The following PRKD1 variants were observed in gnomAD, a reference collection of about 807,000 sequenced individuals.
The protein encoded by PRKD1 is protein kinase D1, also known as serine/threonine-protein kinase D1.
PRKD1 carries 63 observed loss-of-function variants against 95.9 expected under a neutral mutation model. The observed-to-expected ratio is 0.66, with a 90% CI of 0.54 to 0.81. PRKD1 has a LOEUF of 0.81. Ranked by LOEUF, PRKD1 falls within the 30% of genes least tolerant of loss-of-function variation. The pLI, the probability that PRKD1 is intolerant of heterozygous loss-of-function variation, is 0.00. For missense variants in PRKD1, 1,048 were observed against 1,165.3 expected, an observed-to-expected ratio of 0.90 and a Z score of 1.47; for synonymous variants, 425 against 423.1, an observed-to-expected ratio of 1.00 and a Z score of -0.05.
At chr14:29,800,748 T>G (rs193134641) in intron 1 of PRKD1, among the ~76,000 whole-genome samples, 416 of 152,302 alleles carry the variant, frequency 2.7e-3, no homozygotes, top group Admixed American at 8.4e-3. Flanking sequence ...TTATAAATCT[T>G]TCCCTGGACA....
chr14:29,777,901 A>G (rs1027426994), intron 1 of PRKD1, among the ~76,000 whole-genome samples: 2 of 152,082 alleles, frequency 1.3e-5, no homozygotes, highest in Non-Finnish European at 2.9e-5. Context: ...GAAGTAAAGC[A>G]CTCCTCAGCA....
intron 1 of PRKD1, among the ~76,000 whole-genome samples, chr14:29,827,365 A>G (rs1412995706): frequency 6.6e-6 from 1 of 152,148 alleles, no homozygotes; most frequent in African/African-American, 2.4e-5. Context: ...CAACAGCAAC[A>G]GCATGTGGGA....
At chr14:29,798,850 A>C (rs1460119225) in intron 1 of PRKD1, among the ~76,000 whole-genome samples, 2 of 152,172 alleles carry the variant, frequency 1.3e-5, no homozygotes, top group Non-Finnish European at 2.9e-5. Flanking sequence ...ATAATCTTCC[A>C]CATCACTGAT....
At chr14:29,663,617 CCT>C in intron 4 of PRKD1, 80 bp downstream of exon 4, 1 of 1,489,920 alleles carries the variant, frequency 6.7e-7, no homozygotes, top group Non-Finnish European at 9.3e-7. Context: ...CTCCTAGCGC[CCT>C]GTCTTGGATT....
intron 1 of PRKD1, among the ~76,000 whole-genome samples, chr14:29,755,626 C>T (rs1426910052): frequency 6.6e-6 from 1 of 152,254 alleles, no homozygotes; most frequent in East Asian, 1.9e-4. Flanking sequence ...TAAAACTTTG[C>T]TCCTAACTCC....
At chr14:29,781,354 A>T (rs904361798) in intron 1 of PRKD1, among the ~76,000 whole-genome samples, 3 of 152,340 alleles carry the variant, frequency 2.0e-5, no homozygotes, top group African/African-American at 7.2e-5. Context: ...GCTATAAACA[A>T]CGTCTCAAAT....
rs1425231482 is a variant in PRKD1 at position 29,927,391 on chromosome 14, G to A, written c.122C>T (p.Pro41Leu). The A allele has an allele frequency of 1.1e-5, 17 of 1,550,144 alleles. No individual in the cohort carries two copies. Among genetic ancestry groups the A allele is most frequent in the South Asian group, 2.4e-5 (2 of 84,466 alleles). Residue 41 changes from proline to leucine, a missense_variant, in exon 1 of 18, where the codon CCT becomes CTT. Coordinates refer to ENST00000331968, the MANE Select transcript of PRKD1 (RefSeq NM_002742.3). Reference sequence around the variant, plus strand: ...GATGCCCCCGACCGGGGCCGCGACAGGAGCCAAGAACGGCGCGGGCCCGGG... The same window carrying A: ...GATGCCCCCGACCGGGGCCGCGACAAGAGCCAAGAACGGCGCGGGCCCGGG... ...SGPGPAPFLA[P>L]VAAPVGGISF...
intron 4 of PRKD1, among the ~76,000 whole-genome samples, chr14:29,658,756 A>G (rs191164268): frequency 5.3e-5 from 8 of 152,348 alleles, no homozygotes; most frequent in African/African-American, 1.9e-4. Flanking sequence ...AATGTTTATT[A>G]TGCAAATGAA....
At chr14:29,730,112 C>T (rs959957711) in intron 1 of PRKD1, among the ~76,000 whole-genome samples, 2 of 151,868 alleles carry the variant, frequency 1.3e-5, no homozygotes, top group African/African-American at 4.8e-5. Flanking sequence ...TGTGGAACAA[C>T]TCAATAGCAA....
rs45547633 is a variant in PRKD1 at position 29,739,473 on chromosome 14, T to C, written c.265-13799A>G. ...TGTACCTTAACTTTATCCCATCTAT[T>C]TGAATTACAGCAAAAATAAAATAAA... On this transcript the variant is annotated intron_variant, in intron 1 of 17. Coordinates refer to ENST00000331968, the MANE Select transcript of PRKD1 (RefSeq NM_002742.3). 5.2e-3 allele frequency among the ~76,000 whole-genome samples: 794 copies of C among 152,178 alleles called. 19 individuals carry two copies. In the East Asian group the frequency reaches 0.077, roughly 15 times the overall value.
intron 2 of PRKD1, among the ~76,000 whole-genome samples, chr14:29,670,244 C>A: frequency 6.6e-6 from 1 of 152,134 alleles, no homozygotes; most frequent in Non-Finnish European, 1.5e-5. Context: ...GACTAAGGAA[C>A]GGTATCTGTA....
At chr14:29,835,640 G>A (rs568120329) in intron 1 of PRKD1, among the ~76,000 whole-genome samples, 1 of 152,168 alleles carries the variant, frequency 6.6e-6, no homozygotes, top group East Asian at 1.9e-4. Context: ...GCGCGATCTT[G>A]GCTCACCACA....
At chr14:29,882,859 C>CTGTG (rs10538155) in intron 1 of PRKD1, among the ~76,000 whole-genome samples, 7 of 150,928 alleles carry the variant, frequency 4.6e-5, no homozygotes, top group Non-Finnish European at 8.9e-5. Flanking sequence ...CAATATTCCA[C>CTGTG]TGTGTGTGTG....
intron 13 of PRKD1, among the ~76,000 whole-genome samples, chr14:29,608,236 T>C (rs1299499098): frequency 5.9e-5 from 9 of 152,134 alleles, no homozygotes; most frequent in Admixed American, 1.3e-4. Context: ...GGGCTTCATA[T>C]TTTATTGGAA....
chr14:29,819,180 T>G (rs1890808109), intron 1 of PRKD1, among the ~76,000 whole-genome samples: 1 of 152,174 alleles, frequency 6.6e-6, no homozygotes, highest in African/African-American at 2.4e-5. Context: ...TTGGCTCAAT[T>G]GATAAAACTG....
chr14:29,866,416 T>C (rs904871228), intron 1 of PRKD1, among the ~76,000 whole-genome samples: 1 of 152,240 alleles, frequency 6.6e-6, no homozygotes, highest in African/African-American at 2.4e-5. Flanking sequence ...CTCCTTAATC[T>C]TCCATGATCA....
chr14:29,693,023 T>C (rs934276845), intron 2 of PRKD1, among the ~76,000 whole-genome samples: 2 of 151,976 alleles, frequency 1.3e-5, no homozygotes, highest in Admixed American at 6.6e-5. Context: ...AGTAATACAA[T>C]GCGTGATGTA....
At chr14:29,921,331 G>GA (rs1490309644) in intron 1 of PRKD1, among the ~76,000 whole-genome samples, 1 of 151,622 alleles carries the variant, frequency 6.6e-6, no homozygotes, top group African/African-American at 2.4e-5. Flanking sequence ...GATGTCACCT[G>GA]GGCCTTACAG....
chr14:29,793,999 A>T (rs1475096183), intron 1 of PRKD1, among the ~76,000 whole-genome samples: 1 of 152,078 alleles, frequency 6.6e-6, no homozygotes, highest in African/African-American at 2.4e-5. Context: ...TTTTAAATCA[A>T]GCGTATTAGC....
Sources: allele counts gnomAD v4.1 joint callset (sites outside exome capture counted in the v4.1 genomes callset), GRCh38; gene constraint gnomAD v4.1.1; transcripts MANE v1.5; gene names NCBI Gene and HGNC (gene_info 2026-07-23, HGNC 2026-07-21).